Variants in XYLB observed in about 807,000 individuals in gnomAD.
XYLB encodes the protein xylulose kinase.
XYLB carries 62 observed loss-of-function variants against 78.7 expected under a neutral mutation model. That is an observed-to-expected ratio of 0.79 (90% CI 0.64 to 0.97). XYLB has a LOEUF of 0.97. Ranked by LOEUF, XYLB falls within the 50% of genes least tolerant of loss-of-function variation. XYLB has a pLI of 0.00. For missense variants in XYLB, 687 were observed against 676.8 expected (o/e 1.02, Z -0.17); for synonymous variants, 245 against 247.4 (o/e 0.99, Z 0.09).
chr3:38,409,822 A>C (rs1233340275), intron 18 of XYLB, among the ~76,000 whole-genome samples: 1 of 152,212 alleles, frequency 6.6e-6, no homozygotes, highest in Non-Finnish European at 1.5e-5. Flanking sequence ...AATCCAACTT[A>C]CAAGGGACAT....
intron 18 of XYLB, among the ~76,000 whole-genome samples, chr3:38,405,759 C>T (rs573142092): frequency 8.5e-5 from 13 of 152,370 alleles, no homozygotes; most frequent in Admixed American, 3.9e-4. Flanking sequence ...GAGGGTCCTA[C>T]GCCCACGGAG....
At chr3:38,394,099 T>C (rs1707776645) in intron 15 of XYLB, among the ~76,000 whole-genome samples, 1 of 152,232 alleles carries the variant, frequency 6.6e-6, no homozygotes, top group Non-Finnish European at 1.5e-5. Flanking sequence ...GAATAGGATG[T>C]ATACATTAAT....
chr3:38,435,686 T>C, the XYLB span, among the ~76,000 whole-genome samples: 1 of 152,204 alleles, frequency 6.6e-6, no homozygotes, highest in Non-Finnish European at 1.5e-5. Flanking sequence ...ATAGACCATA[T>C]GTTAGGCCAC....
At chr3:38,366,525 T>C (rs1706271490) in intron 6 of XYLB, among the ~76,000 whole-genome samples, 1 of 152,180 alleles carries the variant, frequency 6.6e-6, no homozygotes, top group African/African-American at 2.4e-5. Context: ...TCAGTAGATA[T>C]CAAACAGATT....
intron 3 of XYLB, among the ~76,000 whole-genome samples, chr3:38,361,346 G>A (rs1344082825): frequency 1.3e-5 from 2 of 150,944 alleles, no homozygotes; most frequent in Admixed American, 6.6e-5. Context: ...CCAGCTAAGT[G>A]TGTGTCTTCC....
chr3:38,443,460 C>T, the XYLB span, among the ~76,000 whole-genome samples: 1 of 152,206 alleles, frequency 6.6e-6, no homozygotes, highest in African/African-American at 2.4e-5. Flanking sequence ...GCAAACCACA[C>T]TGATAACAAG....
chr3:38,416,520 C>T (rs546095972), downstream of XYLB, among the ~76,000 whole-genome samples: 2 of 152,120 alleles, frequency 1.3e-5, no homozygotes, highest in East Asian at 3.9e-4. Flanking sequence ...AAAGGACTTA[C>T]CTATTAAAAG....
At chr3:38,359,361 T>C (rs1190955982) in intron 2 of XYLB, among the ~76,000 whole-genome samples, 1 of 152,234 alleles carries the variant, frequency 6.6e-6, no homozygotes, top group African/African-American at 2.4e-5. Flanking sequence ...CAACCTCCAG[T>C]GTGAGTGTCA....
chr3:38,415,042 A>G (rs899231612), downstream of XYLB: 1 of 152,246 alleles, frequency 6.6e-6, no homozygotes, highest in Non-Finnish European at 1.5e-5. Context: ...ATATTGAACC[A>G]GAATGATTAG....
chr3:38,383,496 A>G (rs952842706), intron 15 of XYLB, among the ~76,000 whole-genome samples: 1 of 152,234 alleles, frequency 6.6e-6, no homozygotes, highest in Non-Finnish European at 1.5e-5. Context: ...TGAAAAATAA[A>G]GAAAATGGGC....
At chr3:38,370,266 A>ACACACACT in intron 9 of XYLB, 92 bp downstream of exon 9, 1 of 873,690 alleles carries the variant, frequency 1.1e-6, no homozygotes, top group Non-Finnish European at 1.9e-6. Flanking sequence ...ACACACACAC[A>ACACACACT]CTCTGCACAC....
intron 18 of XYLB, among the ~76,000 whole-genome samples, chr3:38,408,498 T>G (rs1435561369): frequency 6.7e-6 from 1 of 150,168 alleles, no homozygotes; most frequent in African/African-American, 2.4e-5. Context: ...AGCAAACACA[T>G]TCAAAAGCTA....
At position 38,397,151 on chromosome 3, in the gene XYLB, C is replaced by G; in HGVS notation, c.1430C>G (p.Ala477Gly). 1 of 1,614,062 alleles carries G rather than the reference C, an allele frequency of 6.2e-7. No individual in the cohort carries two copies. The part of the protein sequence containing the change: ...NSACVGSAYR[A>G]FHGLAGGTDV... ...GCCTGTGTGGGTTCTGCATACCGAGCTTTTCATGGTAGGTTGATGGAGGGA... is the reference window on the plus strand; with the variant it reads ...GCCTGTGTGGGTTCTGCATACCGAGGTTTTCATGGTAGGTTGATGGAGGGA... The change falls in exon 17 of 19, where the codon GCT (alanine) becomes GGT (glycine). Residue 477 changes from alanine to glycine, a missense_variant. Ala to Gly is a moderately conservative substitution (Grantham distance 60, BLOSUM62 0). Transcript: ENST00000207870.
rs553782715 is a variant in XYLB at position 38,410,370 on chromosome 3, T to C, written c.1534-2566T>C. On this transcript the variant is annotated intron_variant, in intron 18 of 18. Transcript: ENST00000207870. ...AACTGGATCCCTTCCTTACACCTTA[T>C]ACAAAAATCAATTCAAGATGGATTA... Among the ~76,000 whole-genome samples the C allele has an allele frequency of 1.2e-3, 179 of 152,290 alleles. 1 individual carries two copies. The highest frequency in any genetic ancestry group is 4.1e-3 in the African/African-American group (169 of 41,562).
At chr3:38,357,392 C>CTTT (rs56176736) in intron 2 of XYLB, among the ~76,000 whole-genome samples, 3 of 145,322 alleles carry the variant, frequency 2.1e-5, no homozygotes, top group Admixed American at 6.8e-5. Flanking sequence ...TCTCTACATC[C>CTTT]TTTTTTTTTT....
the XYLB span, among the ~76,000 whole-genome samples, chr3:38,438,088 G>T: frequency 7.0e-4 from 107 of 152,154 alleles, no homozygotes; most frequent in African/African-American, 2.4e-3. Flanking sequence ...ACATTAGCCA[G>T]GTGTGGTGGC....
chr3:38,408,241 C>T (rs1162883079), intron 18 of XYLB, among the ~76,000 whole-genome samples: 10 of 148,210 alleles, frequency 6.7e-5, no homozygotes, highest in Non-Finnish European at 9.0e-5. Context: ...CACTCAAAAC[C>T]ACTCAGCTGC....
chr3:38,414,998 C>CT (rs1708739866), downstream of XYLB: 4 of 152,142 alleles, frequency 2.6e-5, no homozygotes, highest in South Asian at 8.3e-4. Flanking sequence ...AAACCTTAAA[C>CT]TTTATCTTGA....
chr3:38,394,299 G>T (rs537791635), intron 15 of XYLB, among the ~76,000 whole-genome samples: 2 of 152,212 alleles, frequency 1.3e-5, no homozygotes, highest in African/African-American at 4.8e-5. Flanking sequence ...GGTTGCTGTT[G>T]TGAAAGTTAA....
Sources: allele counts gnomAD v4.1 joint callset (sites outside exome capture counted in the v4.1 genomes callset), GRCh38; gene constraint gnomAD v4.1.1; transcripts MANE v1.5; gene names NCBI Gene and HGNC (gene_info 2026-07-23, HGNC 2026-07-21).